DENND1A: variants seen among roughly 807,000 people sequenced by gnomAD.
The protein encoded by DENND1A is DENN domain containing 1A.
Under a neutral mutation model 113.7 loss-of-function variants are expected in DENND1A, and 51 were observed. The ratio of observed to expected loss-of-function variants is 0.45; its 90% CI spans 0.36 to 0.57. The LOEUF is 0.57. DENND1A is among the 20% of genes least tolerant of loss of function. The pLI is 0.00. For missense variants in DENND1A, 1,258 were observed against 1,395.9 expected (o/e 0.90, Z 1.57); for synonymous variants, 565 against 570.8 (o/e 0.99, Z 0.14).
At chr9:123,650,603 G>A (rs967597875) in intron 9 of DENND1A, among the ~76,000 whole-genome samples, 1 of 152,086 alleles carries the variant, frequency 6.6e-6, no homozygotes, top group Non-Finnish European at 1.5e-5. Context: ...GTAAAGTGAC[G>A]CCTGTGATTT....
At chr9:123,743,729 T>C (rs1344582706) in intron 5 of DENND1A, among the ~76,000 whole-genome samples, 1 of 149,824 alleles carries the variant, frequency 6.7e-6, no homozygotes, top group Non-Finnish European at 1.5e-5. Flanking sequence ...TGAAACTGCA[T>C]CTCAAAAAAA....
chr9:123,766,111 G>C (rs1448999473), intron 4 of DENND1A, among the ~76,000 whole-genome samples: 1 of 152,146 alleles, frequency 6.6e-6, no homozygotes, highest in East Asian at 1.9e-4. Flanking sequence ...ATCTGCTCTG[G>C]CTGAACAAGC....
chr9:123,395,468 C>CTCTCTCTCTGTGTGTGTG lies in DENND1A; in HGVS notation c.1632-7611_1632-7610insCACACACACAGAGAGAGA, dbSNP rs367751848. On this transcript the variant is annotated intron_variant, in intron 21 of 23. Coordinates refer to ENST00000394215, the MANE Select transcript of DENND1A (RefSeq NM_001352964.2). ...AGGGCCCAGAATCTACTCTCTCTCTCTGTGTGTGTGTGTGTGTGTGTGTGT... is the reference window on the plus strand; with the variant it reads ...AGGGCCCAGAATCTACTCTCTCTCTCTCTCTCTCTGTGTGTGTGTGTGTGTGTGTGTGTGTGTGTGTGT... 2.7e-4 allele frequency among the ~76,000 whole-genome samples: 38 copies of CTCTCTCTCTGTGTGTGTG among 142,984 alleles called. 1 individual carries two copies. Among genetic ancestry groups the CTCTCTCTCTGTGTGTGTG allele is most frequent in the East Asian group, 1.0e-3 (5 of 4,794 alleles). The allele number at this position is 142,984 out of a possible 152,430, so 93.8% of individuals were successfully genotyped here.
chr9:123,636,411 C>T (rs957935151), intron 9 of DENND1A, among the ~76,000 whole-genome samples: 9 of 151,854 alleles, frequency 5.9e-5, no homozygotes, highest in South Asian at 2.1e-4. Flanking sequence ...CTGCCTCCCA[C>T]GTTCAAGTGA....
intron 1 of DENND1A, among the ~76,000 whole-genome samples, chr9:123,899,279 GCCAGTTCTCCCT>G (rs1410038300): frequency 1.3e-5 from 2 of 152,054 alleles, no homozygotes; most frequent in African/African-American, 4.8e-5. Flanking sequence ...CGACCTCAAT[GCCAGTTCTCCCT>G]CCTGACTCGC....
rs551670929 is a variant in DENND1A at position 123,647,372 on chromosome 9, G to C, written c.618+4641C>G. Among the ~76,000 whole-genome samples, 183 of 152,290 alleles carry C rather than the reference G, an allele frequency of 1.2e-3. 1 individual carries two copies. Among genetic ancestry groups the C allele is most frequent in the Non-Finnish European group, 1.2e-3 (81 of 68,026 alleles). ...TAGTTTACCTCTGTTCGATTACAAG[G>C]TTGGAGCCCAGCAGTGGCAACAAGG... On this transcript the variant is annotated intron_variant, in intron 9 of 23. Transcript: ENST00000394215.
At chr9:123,418,103 T>C (rs2044897008) in intron 19 of DENND1A, among the ~76,000 whole-genome samples, 1 of 152,206 alleles carries the variant, frequency 6.6e-6, no homozygotes, top group Non-Finnish European at 1.5e-5. Context: ...AAGAGGAACC[T>C]TGACGTCCTT....
intron 13 of DENND1A, among the ~76,000 whole-genome samples, chr9:123,533,973 T>C (rs1201014614): frequency 1.3e-5 from 2 of 152,234 alleles, no homozygotes; most frequent in Non-Finnish European, 2.9e-5. Context: ...ATTTTTGAGC[T>C]GGATTTTAAA....
At chr9:123,887,982 C>T (rs890955840) in intron 1 of DENND1A, among the ~76,000 whole-genome samples, 1 of 152,152 alleles carries the variant, frequency 6.6e-6, no homozygotes, top group Admixed American at 6.6e-5. Flanking sequence ...CCTGACTTTT[C>T]ACATGCACAC....
intron 2 of DENND1A, among the ~76,000 whole-genome samples, chr9:123,858,072 A>AG: frequency 6.6e-6 from 1 of 152,012 alleles, no homozygotes; most frequent in Middle Eastern, 3.4e-3. Context: ...AAAAAAAAAA[A>AG]AAAAGAAAAG....
chr9:123,872,170 CA>C (rs201570538), intron 2 of DENND1A, among the ~76,000 whole-genome samples: 4 of 148,414 alleles, frequency 2.7e-5, no homozygotes, highest in Non-Finnish European at 4.5e-5. Context: ...TGAAGTGTGG[CA>C]AAAAAAAATA....
intron 1 of DENND1A, among the ~76,000 whole-genome samples, chr9:123,911,590 CAGA>C (rs1853975661): frequency 6.6e-6 from 1 of 152,118 alleles, no homozygotes; most frequent in Non-Finnish European, 1.5e-5. Context: ...CAATGTAGAG[CAGA>C]AGAAGCCACA....
intron 13 of DENND1A, among the ~76,000 whole-genome samples, chr9:123,504,378 G>A (rs1004917969): frequency 6.6e-6 from 1 of 152,156 alleles, no homozygotes; most frequent in Non-Finnish European, 1.5e-5. Context: ...GACCATGAAT[G>A]GTTTGTCTTT....
At chr9:123,581,191 G>A (rs2058874947) in intron 12 of DENND1A, among the ~76,000 whole-genome samples, 1 of 152,068 alleles carries the variant, frequency 6.6e-6, no homozygotes. Context: ...CCTCAGAGTG[G>A]CATGAAGAGT....
At chr9:123,631,498 A>T (rs2061474921) in intron 9 of DENND1A, among the ~76,000 whole-genome samples, 1 of 152,168 alleles carries the variant, frequency 6.6e-6, no homozygotes, top group South Asian at 2.1e-4. Context: ...ATTTTCTTTG[A>T]ATTTCTGGGC....
intron 2 of DENND1A, chr9:123,843,379 T>C: frequency 2.9e-6 from 1 of 342,558 alleles, no homozygotes. Flanking sequence ...TTATTTGCAG[T>C]CATTTTGTCT....
intron 11 of DENND1A, among the ~76,000 whole-genome samples, chr9:123,587,576 C>T (rs540086944): frequency 7.2e-5 from 11 of 152,242 alleles, no homozygotes; most frequent in South Asian, 4.2e-4. Context: ...TCCCCCCATG[C>T]GTCCGTTTAT....
chr9:123,629,862 AAAAC>A (rs1278934091), intron 10 of DENND1A, among the ~76,000 whole-genome samples: 3 of 152,200 alleles, frequency 2.0e-5, no homozygotes, highest in Non-Finnish European at 4.4e-5. Context: ...GTCTTAGGAA[AAAAC>A]AAACAAACAA....
chr9:123,816,265 G>T (rs1285623373), intron 2 of DENND1A, among the ~76,000 whole-genome samples: 1 of 152,094 alleles, frequency 6.6e-6, no homozygotes, highest in Non-Finnish European at 1.5e-5. Flanking sequence ...GCATCCCAAA[G>T]TCCTGGGGTT....
Sources: allele counts gnomAD v4.1 joint callset (sites outside exome capture counted in the v4.1 genomes callset), GRCh38; gene constraint gnomAD v4.1.1; transcripts MANE v1.5; gene names NCBI Gene and HGNC (gene_info 2026-07-23, HGNC 2026-07-21).